The following EYA1 variants were observed in gnomAD, a reference collection of about 807,000 sequenced individuals.
EYA1 encodes the protein protein phosphatase EYA1.
Under a neutral mutation model 82.0 loss-of-function variants are expected in EYA1, and 16 were observed. That is an observed-to-expected ratio of 0.20 (90% CI 0.13 to 0.30). The LOEUF (loss-of-function observed/expected upper bound fraction) is 0.30, where lower values mean the gene tolerates loss of function less well. Among genes scored for constraint, EYA1 ranks in the 10% least tolerant of loss-of-function variants. The probability of loss-of-function intolerance (pLI) is 1.00; values close to 1 mark genes in which losing one functional copy is unlikely to be tolerated. For synonymous variants in EYA1, 261 were observed against 264.4 expected (o/e 0.99, Z 0.12); for missense variants, 633 against 730.7 (o/e 0.87, Z 1.54).
At chr8:71,282,745 T>G (rs1487310535) in intron 9 of EYA1, among the ~76,000 whole-genome samples, 2 of 152,178 alleles carry the variant, frequency 1.3e-5, no homozygotes, top group African/African-American at 4.8e-5. Context: ...ACAGTCCTGG[T>G]TAACTCATCC....
chr8:71,322,237 T>C lies in EYA1; in HGVS notation c.234A>G (p.Pro78=), dbSNP rs748946380. ...AIGSSSFSPR[P]THQFSPPQIY... ...TCTGTGGTGGAGAGAACTGGTGAGT[T>C]GGTCGTGGGCTGAAACTACTGCTCC... Residue 78 remains proline, a synonymous_variant, in exon 5 of 18, where the codon CCA becomes CCG. Transcript: ENST00000340726. The C allele has an allele frequency of 1.9e-6, 3 of 1,614,074 alleles. No individual in the cohort carries two copies. The highest frequency in any genetic ancestry group is 1.1e-5 in the South Asian group (1 of 91,084).
intron 2 of EYA1, among the ~76,000 whole-genome samples, chr8:71,532,467 T>C (rs1814367512): frequency 6.6e-6 from 1 of 152,168 alleles, no homozygotes; most frequent in Admixed American, 6.5e-5. Context: ...TATGTATCTA[T>C]GTAGTAGAGA....
chr8:71,216,988 T>C lies in EYA1; in HGVS notation c.1176A>G (p.Ser392=). The change falls in exon 13 of 18, where the codon TCA becomes TCG. Residue 392 remains serine (S), a synonymous_variant. Transcript: ENST00000340726. ...CDQVHIDDVS[S]DDNGQDLSTY... ...ACCTTAGGTCCTGTCCGTTATCATC[T>C]GAAGAAACATCATCTATATGGACTT... 1 of 1,613,778 alleles carries C rather than the reference T, an allele frequency of 6.2e-7. No individual in the cohort carries two copies. Among genetic ancestry groups the C allele is most frequent in the Non-Finnish European group, 8.5e-7 (1 of 1,179,620 alleles).
chr8:71,460,466 C>T (rs1309944173), intron 2 of EYA1, among the ~76,000 whole-genome samples: 5 of 152,148 alleles, frequency 3.3e-5, no homozygotes, highest in Non-Finnish European at 5.9e-5. Flanking sequence ...AAGCTTCTTA[C>T]AAGGGCCAGT....
At position 71,495,778 on chromosome 8, in the gene EYA1, A is replaced by G. The variant is rs77160790; in HGVS notation, c.33+39966T>C. ...ACCTCTCCTCCACCAATCAATAAAA[A>G]CACACATGATTCAGCAATTAGCAGA... On this transcript the variant is annotated intron_variant, in intron 2 of 18. Coordinates refer to the EYA1 transcript ENST00000643681. Among the ~76,000 whole-genome samples the G allele has an allele frequency of 6.8e-3, 1,041 of 152,286 alleles. 15 individuals are homozygous for G. Among genetic ancestry groups the G allele is most frequent in the African/African-American group, 0.024 (984 of 41,544 alleles).
intron 2 of EYA1, among the ~76,000 whole-genome samples, chr8:71,414,425 C>T (rs1040008382): frequency 2.0e-4 from 30 of 152,172 alleles, no homozygotes; most frequent in Admixed American, 1.8e-3. Context: ...CCATCATTTC[C>T]GGTGTACCCA....
intron 1 of EYA1, among the ~76,000 whole-genome samples, chr8:71,545,666 AT>A (rs2129295197): frequency 7.1e-6 from 1 of 140,706 alleles, no homozygotes; most frequent in Non-Finnish European, 1.5e-5. Context: ...GGTTCACGCC[AT>A]TCTCTTGCCT....
chr8:71,245,684 T>C (rs1440672470), intron 11 of EYA1, among the ~76,000 whole-genome samples: 4 of 152,110 alleles, frequency 2.6e-5, no homozygotes, highest in Non-Finnish European at 5.9e-5. Flanking sequence ...GGGTAGTACA[T>C]AGTAATTTTA....
At chr8:71,471,061 T>C in intron 2 of EYA1, 1 of 368,636 alleles carries the variant, frequency 2.7e-6, no homozygotes, top group South Asian at 2.1e-5. Flanking sequence ...TCTTAAACAA[T>C]GTGTGGTACA....
At chr8:71,435,576 G>A (rs1370976387) in intron 2 of EYA1, among the ~76,000 whole-genome samples, 2 of 152,034 alleles carry the variant, frequency 1.3e-5, no homozygotes, top group African/African-American at 2.4e-5. Flanking sequence ...TTAAGATAAA[G>A]CAGAAGGCTG....
intron 2 of EYA1, among the ~76,000 whole-genome samples, chr8:71,429,422 T>G (rs977583516): frequency 1.3e-5 from 2 of 152,184 alleles, no homozygotes; most frequent in African/African-American, 4.8e-5. Flanking sequence ...ATAAAAATCC[T>G]TGTATTTTAG....
At chr8:71,289,387 A>G (rs1456173423) in intron 9 of EYA1, among the ~76,000 whole-genome samples, 1 of 152,232 alleles carries the variant, frequency 6.6e-6, no homozygotes, top group Non-Finnish European at 1.5e-5. Flanking sequence ...TCAGACCTAC[A>G]TTATTTTATC....
chr8:71,471,890 C>T (rs917079629), intron 2 of EYA1, among the ~76,000 whole-genome samples: 1 of 152,004 alleles, frequency 6.6e-6, no homozygotes, highest in Non-Finnish European at 1.5e-5. Context: ...ATCTTTGTCT[C>T]CCTTATAAAC....
chr8:71,505,772 C>T (rs1302593199), intron 2 of EYA1, among the ~76,000 whole-genome samples: 1 of 152,160 alleles, frequency 6.6e-6, no homozygotes, highest in Non-Finnish European at 1.5e-5. Context: ...CCTTTCCCCA[C>T]TCCCATTTCT....
intron 6 of EYA1, among the ~76,000 whole-genome samples, chr8:71,320,981 TC>T (rs1237288715): frequency 6.6e-6 from 1 of 152,190 alleles, no homozygotes; most frequent in East Asian, 1.9e-4. Context: ...TGCCAATAAT[TC>T]AAGTGTTTCT....
intron 2 of EYA1, among the ~76,000 whole-genome samples, chr8:71,475,251 C>T (rs1809565225): frequency 6.6e-6 from 1 of 152,242 alleles, no homozygotes; most frequent in East Asian, 1.9e-4. Flanking sequence ...TAGGGTCAAA[C>T]AGGGATAGAT....
rs114631214 is a variant in EYA1 at position 71,227,186 on chromosome 8, T to C, written c.1141-10163A>G. 4.8e-3 allele frequency among the ~76,000 whole-genome samples: 729 copies of C among 152,292 alleles called. 3 individuals are homozygous for C. The highest frequency in any genetic ancestry group is 0.017 in the African/African-American group (689 of 41,570). Reference sequence around the variant, plus strand: ...ACATCTAATATAAATATCATTTTTTTTTGGAACAGCAACTCAGAACTACTC... The same window carrying C: ...ACATCTAATATAAATATCATTTTTTCTTGGAACAGCAACTCAGAACTACTC... On this transcript the variant is annotated intron_variant, in intron 12 of 17. Coordinates refer to ENST00000340726, the MANE Select transcript of EYA1 (RefSeq NM_000503.6).
At chr8:71,397,920 G>A (rs866852158) in intron 2 of EYA1, among the ~76,000 whole-genome samples, 1 of 152,114 alleles carries the variant, frequency 6.6e-6, no homozygotes, top group Non-Finnish European at 1.5e-5. Context: ...TCACTTTCAG[G>A]TACACCAATC....
rs535113730 is a variant in EYA1 at position 71,473,516 on chromosome 8, G to C, written c.33+62228C>G. 1.4e-4 allele frequency among the ~76,000 whole-genome samples: 21 copies of C among 152,294 alleles called. No homozygotes were observed. The South Asian group carries it at 3.7e-3, about 27-fold the overall frequency. Reference sequence around the variant, plus strand: ...CACAATGAGATACCATCTCATGCCAGTTAGAATGGTGATCATTAAAAAGTC... The same window carrying C: ...CACAATGAGATACCATCTCATGCCACTTAGAATGGTGATCATTAAAAAGTC... On this transcript the variant is annotated intron_variant, in intron 2 of 18. Transcript: ENST00000643681.
Sources: gnomAD v4.1 joint callset for allele counts (sites outside exome capture counted in the v4.1 genomes callset) on GRCh38, gnomAD v4.1.1 for gene constraint, MANE v1.5 for transcripts, NCBI Gene and HGNC (gene_info 2026-07-23, HGNC 2026-07-21) for gene names.